SETD2: variants seen among roughly 807,000 people sequenced by gnomAD.
SETD2 encodes SET domain containing 2, histone lysine methyltransferase, also known as histone-lysine N-methyltransferase SETD2.
Under a neutral mutation model 242.1 loss-of-function variants are expected in SETD2, and 31 were observed. That is an observed-to-expected ratio of 0.13 (90% confidence interval 0.10 to 0.17). The LOEUF (loss-of-function observed/expected upper bound fraction) is 0.17, where lower values mean the gene tolerates loss of function less well. SETD2 is among the 10% of genes least tolerant of loss of function. The probability of loss-of-function intolerance (pLI) is 1.00; values close to 1 mark genes in which losing one functional copy is unlikely to be tolerated. For missense variants in SETD2, 2,481 were observed against 3,046.3 expected (o/e 0.81, Z 4.37); for synonymous variants, 1,006 against 1,066.5 (o/e 0.94, Z 1.11).
At chr3:47,082,314 T>C (rs1466006843) in intron 12 of SETD2, among the ~76,000 whole-genome samples, 1 of 152,228 alleles carries the variant, frequency 6.6e-6, no homozygotes, top group Non-Finnish European at 1.5e-5. Flanking sequence ...TTATTCTTCC[T>C]TCCATAAAAG....
At chr3:47,144,537 G>C (rs1388328875) in intron 1 of SETD2, among the ~76,000 whole-genome samples, 1 of 152,164 alleles carries the variant, frequency 6.6e-6, no homozygotes, top group African/African-American at 2.4e-5. Context: ...CAGCCACTTG[G>C]GAAACTGAGG....
At chr3:47,027,291 C>T (rs761211435) in intron 18 of SETD2, among the ~76,000 whole-genome samples, 19 of 145,412 alleles carry the variant, frequency 1.3e-4, no homozygotes, top group Non-Finnish European at 2.4e-4. Flanking sequence ...AAGCTGAGAT[C>T]GCACCACTGC....
At chr3:47,152,059 T>C (rs1224378283) in intron 1 of SETD2, among the ~76,000 whole-genome samples, 1 of 152,198 alleles carries the variant, frequency 6.6e-6, no homozygotes, top group Non-Finnish European at 1.5e-5. Context: ...AAGTATACTA[T>C]ACTTTTCATA....
rs1257544813 is a variant in SETD2 at position 47,124,506 on chromosome 3, G to A, written c.130C>T (p.Pro44Ser). 9 of 1,548,620 alleles carry A rather than the reference G, an allele frequency of 5.8e-6. No homozygotes were observed. Among genetic ancestry groups the A allele is most frequent in the Non-Finnish European group, 7.9e-6 (9 of 1,145,264 alleles). The change falls in exon 3 of 21, where the codon CCA (proline) becomes TCA (serine). Residue 44 changes from proline to serine, a missense_variant. Physicochemically the swap from Pro to Ser is moderately conservative, Grantham distance 74. Coordinates refer to ENST00000409792, the MANE Select transcript of SETD2 (RefSeq NM_014159.7). ...NVQKTGFIKG[P>S]MFKGVASSRF... ...CTAGAAGCAACACCTTTGAACATTG[G>A]TCCTTTGATGAAACCTGTTTTCTGC...
intron 5 of SETD2, 48 bp from the exon 6 acceptor site, chr3:47,106,168 G>A (rs746679517): frequency 1.3e-5 from 20 of 1,568,538 alleles, no homozygotes; most frequent in Admixed American, 7.1e-5. Flanking sequence ...AGGAGCAGTA[G>A]GGAAAACATA....
intron 1 of SETD2, among the ~76,000 whole-genome samples, chr3:47,131,630 T>G (rs965481594): frequency 6.6e-6 from 1 of 152,038 alleles, no homozygotes; most frequent in African/African-American, 2.4e-5. Flanking sequence ...CGTGAGCCAC[T>G]GCACCTGGCC....
chr3:47,054,978 C>A (rs2039994643), intron 15 of SETD2, among the ~76,000 whole-genome samples: 4 of 151,950 alleles, frequency 2.6e-5, no homozygotes, highest in Admixed American at 2.0e-4. Context: ...CTCCAAGATC[C>A]CATCACAGTG....
chr3:47,073,178 A>C (rs1451080488), intron 12 of SETD2, among the ~76,000 whole-genome samples: 2 of 151,648 alleles, frequency 1.3e-5, no homozygotes, highest in African/African-American at 2.4e-5. Context: ...CTGTGAGTAA[A>C]CTGTCACTTT....
At chr3:47,064,701 T>C in intron 13 of SETD2, 1 of 304,434 alleles carries the variant, frequency 3.3e-6, no homozygotes, top group Non-Finnish European at 6.9e-6. Flanking sequence ...CTTCCAAATT[T>C]TAAAGGTTCT....
intron 18 of SETD2, among the ~76,000 whole-genome samples, chr3:47,022,436 G>C (rs529950459): frequency 1.3e-5 from 2 of 152,068 alleles, no homozygotes; most frequent in Non-Finnish European, 2.9e-5. Flanking sequence ...CTAGGAGGTT[G>C]AGGCTGCAGT....
chr3:47,088,665 T>C (rs1416959416), intron 9 of SETD2, among the ~76,000 whole-genome samples: 1 of 152,116 alleles, frequency 6.6e-6, no homozygotes, highest in Non-Finnish European at 1.5e-5. Flanking sequence ...GTGAGATATA[T>C]CTCCTTCAAA....
rs2107576177 is a variant in SETD2, at chr3:47,057,191, C to T, written c.6593G>A (p.Cys2198Tyr). 6.2e-7 allele frequency: 1 copy of T among 1,614,184 alleles called. No individual in the cohort carries two copies. Among genetic ancestry groups the T allele is most frequent in the East Asian group, 2.2e-5 (1 of 44,894 alleles). ...LLPTPSMDPV[C>Y]SPAPYDHAQP... ...AGCATGATCATAAGGAGCAGGAGAACACACTGGGTCCATGCTGGGTGTGGG... is the reference window on the plus strand; with the variant it reads ...AGCATGATCATAAGGAGCAGGAGAATACACTGGGTCCATGCTGGGTGTGGG... Residue 2198 changes from cysteine to tyrosine, a missense_variant, in exon 15 of 21, where the codon TGT (cysteine) becomes TAT (tyrosine). This residue lies in a region of SETD2 where 235 missense variants were observed against 293.9 expected (regional missense o/e 0.80). Transcript: ENST00000409792.
At chr3:47,031,982 A>C (rs1326782011) in intron 18 of SETD2, among the ~76,000 whole-genome samples, 1 of 152,218 alleles carries the variant, frequency 6.6e-6, no homozygotes, top group Non-Finnish European at 1.5e-5. Context: ...AAATCTCTTT[A>C]AACATCTCGC....
chr3:47,019,204 T>C (rs564377284), intron 19 of SETD2, among the ~76,000 whole-genome samples: 29 of 152,314 alleles, frequency 1.9e-4, no homozygotes, highest in Middle Eastern at 3.4e-3. Flanking sequence ...AAATGAGATA[T>C]TACAGAAAGA....
chr3:47,163,876 C>T lies in SETD2; in HGVS notation c.49G>A (p.Asp17Asn). ...QPPPKMGDFY[D>N]PEHPTPEEEE... ...TACTCAGGGGTCGGGTGCTCCGGGT[C>T]GTAGAAATCCCCCATCTTCGGAGGC... is the stretch of plus-strand genomic sequence containing the variant. Residue 17 changes from aspartate (D) to asparagine (N), a missense_variant, in exon 1 of 21, where the codon GAC becomes AAC. Asp to Asn is a conservative substitution (Grantham distance 23). This residue lies in a region of SETD2 where 334 missense variants were observed against 374.5 expected (regional missense o/e 0.89). Coordinates refer to ENST00000409792, the MANE Select transcript of SETD2 (RefSeq NM_014159.7). 1 of 1,318,616 alleles carries T rather than the reference C, an allele frequency of 7.6e-7. No homozygotes were observed. Among genetic ancestry groups the T allele is most frequent in the Non-Finnish European group, 9.7e-7 (1 of 1,027,688 alleles). The allele number at this position is 1,318,616 out of a possible 1,614,324, so 81.7% of individuals were successfully genotyped here. A position where few individuals can be genotyped will look rare whatever the true frequency, so the allele number is the denominator to read the frequency against.
chr3:47,097,902 C>A, intron 9 of SETD2, 53 bp downstream of exon 9: 5 of 1,589,472 alleles, frequency 3.1e-6, no homozygotes, highest in Non-Finnish European at 4.3e-6. Context: ...AGAAAAGCCA[C>A]CTCGCTTTTT....
At chr3:47,152,817 C>CCT (rs2044023385) in intron 1 of SETD2, among the ~76,000 whole-genome samples, 1 of 152,210 alleles carries the variant, frequency 6.6e-6, no homozygotes, top group African/African-American at 2.4e-5. Flanking sequence ...AGTAAGCAGA[C>CCT]CTCCCAGAAG....
At chr3:47,153,262 A>G (rs1302382329) in intron 1 of SETD2, among the ~76,000 whole-genome samples, 1 of 152,236 alleles carries the variant, frequency 6.6e-6, no homozygotes. Flanking sequence ...ACAACATTTT[A>G]TTACACAATT....
intron 1 of SETD2, among the ~76,000 whole-genome samples, chr3:47,131,086 A>G (rs2043463939): frequency 6.6e-6 from 1 of 152,220 alleles, no homozygotes; most frequent in Non-Finnish European, 1.5e-5. Context: ...AAGCGCATTA[A>G]TAAATATAAA....
Sources: gnomAD v4.1 joint callset for allele counts (sites outside exome capture counted in the v4.1 genomes callset) on GRCh38, gnomAD v4.1.1 for gene constraint, gnomAD v4.1.1 regional missense constraint, MANE v1.5 for transcripts, NCBI Gene and HGNC (gene_info 2026-07-23, HGNC 2026-07-21) for gene names.